The following BCAR3 variants were observed in gnomAD, a reference collection of about 807,000 sequenced individuals.
The protein encoded by BCAR3 is BCAR3 adaptor protein, NSP family member.
In BCAR3, 37 loss-of-function variants were observed where a neutral mutation model predicts 80.1. The observed-to-expected ratio is 0.46, with a 90% CI of 0.36 to 0.61. BCAR3 has a LOEUF of 0.61. BCAR3 is among the 20% of genes least tolerant of loss of function. The pLI is 0.00. For missense variants in BCAR3, 978 were observed against 1,068.2 expected, an observed-to-expected ratio of 0.92 and a Z score of 1.18; for synonymous variants, 389 against 418.9, an observed-to-expected ratio of 0.93 and a Z score of 0.87.
intron 11 of BCAR3, among the ~76,000 whole-genome samples, chr1:93,565,052 G>A (rs1029964326): frequency 6.6e-6 from 1 of 151,860 alleles, no homozygotes; most frequent in African/African-American, 2.4e-5. Flanking sequence ...TCTTCCTGAT[G>A]ATGCCAGAAT....
intron 2 of BCAR3, among the ~76,000 whole-genome samples, 162 bp from the exon 3 acceptor site, chr1:93,642,505 T>C (rs1409916869): frequency 6.6e-6 from 1 of 152,190 alleles, no homozygotes; most frequent in African/African-American, 2.4e-5. Context: ...GGGTGGGAGA[T>C]ACCACCATGA....
intron 2 of BCAR3, among the ~76,000 whole-genome samples, chr1:93,827,159 G>C (rs1654401111): frequency 6.6e-6 from 1 of 152,116 alleles, no homozygotes; most frequent in South Asian, 2.1e-4. Context: ...AAACAGAATT[G>C]AAACAGAACA....
At chr1:93,694,577 A>G (rs1199687447) in intron 3 of BCAR3, among the ~76,000 whole-genome samples, 1 of 151,820 alleles carries the variant, frequency 6.6e-6, no homozygotes, top group African/African-American at 2.4e-5. Flanking sequence ...CCCCTTCTCC[A>G]TACTTGGAGG....
intron 2 of BCAR3, among the ~76,000 whole-genome samples, chr1:93,752,735 G>A (rs960676190): frequency 6.6e-6 from 1 of 152,122 alleles, no homozygotes; most frequent in Non-Finnish European, 1.5e-5. Context: ...GCAGGACGTT[G>A]GCTTGATCCA....
intron 2 of BCAR3, among the ~76,000 whole-genome samples, chr1:93,719,717 G>A (rs1201159261): frequency 6.6e-6 from 1 of 152,130 alleles, no homozygotes; most frequent in Non-Finnish European, 1.5e-5. Flanking sequence ...GATAAATGCT[G>A]AACTGCAGTG....
intron 2 of BCAR3, among the ~76,000 whole-genome samples, chr1:93,660,765 A>G (rs568575798): frequency 1.3e-5 from 2 of 152,400 alleles, no homozygotes; most frequent in South Asian, 2.1e-4. Flanking sequence ...CCCAGCCCAG[A>G]GTGCAATGGC....
intron 5 of BCAR3, among the ~76,000 whole-genome samples, chr1:93,584,368 T>C (rs1297346997): frequency 6.6e-6 from 1 of 152,206 alleles, no homozygotes; most frequent in Non-Finnish European, 1.5e-5. Context: ...AGCTGAGTCC[T>C]AGGATGCCTC....
intron 3 of BCAR3, among the ~76,000 whole-genome samples, chr1:93,593,159 C>T (rs57012808): frequency 0.043 from 6,584 of 152,048 alleles, 230 homozygotes; most frequent in East Asian, 0.14. Context: ...ACCATGCCTG[C>T]TTACAACATG....
At chr1:93,635,058 C>G (rs1300743889) in intron 3 of BCAR3, among the ~76,000 whole-genome samples, 3 of 152,020 alleles carry the variant, frequency 2.0e-5, no homozygotes, top group Non-Finnish European at 1.5e-5. Flanking sequence ...GACCCCATCT[C>G]TACAAAAAAT....
intron 2 of BCAR3, among the ~76,000 whole-genome samples, chr1:93,669,286 G>A (rs1648089693): frequency 6.6e-6 from 1 of 152,116 alleles, no homozygotes; most frequent in South Asian, 2.1e-4. Flanking sequence ...TTCAGATGAG[G>A]GCATTGATAC....
intron 3 of BCAR3, among the ~76,000 whole-genome samples, chr1:93,624,992 C>T (rs776418010): frequency 1.6e-4 from 24 of 152,114 alleles, no homozygotes; most frequent in Admixed American, 5.2e-4. Flanking sequence ...GGGCGGATCA[C>T]GAGGTCAGGA....
At chr1:93,671,104 T>C (rs934695528) in intron 2 of BCAR3, among the ~76,000 whole-genome samples, 2 of 152,138 alleles carry the variant, frequency 1.3e-5, no homozygotes, top group Non-Finnish European at 2.9e-5. Context: ...GCGATTCTCT[T>C]GCCTCAGTCT....
intron 2 of BCAR3, among the ~76,000 whole-genome samples, chr1:93,786,911 A>C (rs993904057): frequency 2.0e-5 from 3 of 152,172 alleles, no homozygotes; most frequent in Non-Finnish European, 4.4e-5. Context: ...CATCTGGGCC[A>C]ATGTTCCTCC....
chr1:93,570,624 A>T (rs1253795817), intron 9 of BCAR3, among the ~76,000 whole-genome samples: 1 of 152,220 alleles, frequency 6.6e-6, no homozygotes, highest in African/African-American at 2.4e-5. Flanking sequence ...ATGGACCAGG[A>T]ATCCGAACTT....
At chr1:93,734,961 C>G (rs965551355) in intron 2 of BCAR3, among the ~76,000 whole-genome samples, 1 of 152,236 alleles carries the variant, frequency 6.6e-6, no homozygotes, top group Non-Finnish European at 1.5e-5. Context: ...CCATGATAAT[C>G]TGCACATCCC....
At chr1:93,760,127 A>T (rs1002022771) in intron 2 of BCAR3, among the ~76,000 whole-genome samples, 6 of 152,186 alleles carry the variant, frequency 3.9e-5, no homozygotes, top group African/African-American at 1.4e-4. Flanking sequence ...CCTGGCATAC[A>T]AAAGGCCATG....
intron 2 of BCAR3, among the ~76,000 whole-genome samples, chr1:93,750,326 C>T (rs781316509): frequency 4.6e-5 from 7 of 152,174 alleles, no homozygotes; most frequent in East Asian, 1.9e-4. Context: ...GCAGCCTTTC[C>T]GAGGCTGTTT....
chr1:93,702,409 C>A (rs1302666291), intron 3 of BCAR3, among the ~76,000 whole-genome samples: 1 of 152,224 alleles, frequency 6.6e-6, no homozygotes, highest in Non-Finnish European at 1.5e-5. Context: ...CCCAACTTAT[C>A]AGCTCAGGCC....
chr1:93,680,714 T>C (rs899599590), intron 1 of BCAR3, among the ~76,000 whole-genome samples: 1 of 152,152 alleles, frequency 6.6e-6, no homozygotes, highest in Non-Finnish European at 1.5e-5. Context: ...GTTAGGAAAA[T>C]GGTTTTTCTC....
Sources: allele counts gnomAD v4.1 joint callset (sites outside exome capture counted in the v4.1 genomes callset), GRCh38; gene constraint gnomAD v4.1.1; transcripts MANE v1.5; gene names NCBI Gene and HGNC (gene_info 2026-07-23, HGNC 2026-07-21).